IFT80: variants seen among roughly 807,000 people sequenced by gnomAD.
IFT80 encodes the protein intraflagellar transport 80, also known as intraflagellar transport protein 80 homolog.
IFT80 carries 79 observed loss-of-function variants against 107.9 expected under a neutral mutation model. That is an observed-to-expected ratio of 0.73 (90% CI 0.61 to 0.88). The LOEUF (loss-of-function observed/expected upper bound fraction) is 0.88, where lower values mean the gene tolerates loss of function less well. IFT80 is among the 40% of genes least tolerant of loss of function. IFT80 has a pLI of 0.00. For synonymous variants in IFT80, 299 were observed against 300.9 expected (o/e 0.99, Z 0.07); for missense variants, 797 against 914.2 (o/e 0.87, Z 1.65).
intron 3 of IFT80, 129 bp downstream of exon 3, chr3:160,381,374 A>G: frequency 1.3e-6 from 1 of 744,172 alleles, no homozygotes; most frequent in South Asian, 1.6e-5. Flanking sequence ...TTCAGAAAAG[A>G]AATACAATAT....
At chr3:160,281,151 C>T (rs1258444304) in intron 14 of IFT80, among the ~76,000 whole-genome samples, 1 of 152,180 alleles carries the variant, frequency 6.6e-6, no homozygotes, top group Non-Finnish European at 1.5e-5. Context: ...ACCGTCCCCT[C>T]AATATTCAAG....
chr3:160,379,209 T>G (rs964042213), intron 3 of IFT80, among the ~76,000 whole-genome samples: 5 of 152,036 alleles, frequency 3.3e-5, no homozygotes, highest in African/African-American at 1.2e-4. Context: ...CAAAAACAAA[T>G]TGAAGAACTA....
At chr3:160,324,784 A>G (rs968700022) in intron 8 of IFT80, among the ~76,000 whole-genome samples, 1 of 152,300 alleles carries the variant, frequency 6.6e-6, no homozygotes. Context: ...GGTCAGGGCA[A>G]TTAGGCAGGA....
intron 11 of IFT80, among the ~76,000 whole-genome samples, chr3:160,302,285 A>T (rs187522407): frequency 1.6e-4 from 25 of 152,194 alleles, no homozygotes; most frequent in African/African-American, 6.0e-4. Flanking sequence ...AACACCAACC[A>T]CATACACTTC....
chr3:160,307,631 C>T, intron 10 of IFT80, 32 bp downstream of exon 10: 1 of 1,162,640 alleles, frequency 8.6e-7, no homozygotes, highest in South Asian at 1.2e-5. Context: ...ACAGACAAAA[C>T]TCTGAAATTT....
At chr3:160,349,396 C>CCGAGATCGCTCCACTGCACTCCAGG (rs1228708125) in intron 8 of IFT80, among the ~76,000 whole-genome samples, 7 of 151,918 alleles carry the variant, frequency 4.6e-5, no homozygotes, top group Non-Finnish European at 1.5e-5. Context: ...TTGCAGTGAG[C>CCGAGATCGCTCCACTGCACTCCAGG]CGAGATCGCT....
chr3:160,393,305 A>AT (rs2108423197), intron 1 of IFT80, among the ~76,000 whole-genome samples: 1 of 152,358 alleles, frequency 6.6e-6, no homozygotes, highest in African/African-American at 2.4e-5. Flanking sequence ...ATGTTCATAG[A>AT]TTTTACATCC....
chr3:160,364,283 T>C (rs9799314), intron 6 of IFT80, among the ~76,000 whole-genome samples: 79,931 of 152,024 alleles, frequency 0.53, 21,468 homozygotes, highest in African/African-American at 0.56. Context: ...CAGAGAAATG[T>C]AAATCAAAAC....
intron 6 of IFT80, 140 bp from the exon 7 acceptor site, chr3:160,357,718 T>C (rs899943817): frequency 9.8e-6 from 6 of 615,154 alleles, no homozygotes; most frequent in Non-Finnish European, 1.8e-5. Context: ...ATAGCCAATG[T>C]ACAATACCTC....
At chr3:160,349,589 T>C (rs1384475606) in intron 8 of IFT80, among the ~76,000 whole-genome samples, 1 of 152,224 alleles carries the variant, frequency 6.6e-6, no homozygotes, top group Non-Finnish European at 1.5e-5. Flanking sequence ...ATATATCTGA[T>C]ATTGAAATTC....
At chr3:160,334,371 C>T (rs970124419) in intron 8 of IFT80, among the ~76,000 whole-genome samples, 1 of 151,026 alleles carries the variant, frequency 6.6e-6, no homozygotes, top group Non-Finnish European at 1.5e-5. Flanking sequence ...TTTGTTATAC[C>T]AGTTGGTATA....
intron 6 of IFT80, among the ~76,000 whole-genome samples, chr3:160,363,007 G>A (rs1721608600): frequency 6.6e-6 from 1 of 152,190 alleles, no homozygotes; most frequent in African/African-American, 2.4e-5. Flanking sequence ...AGTGTTGGAA[G>A]TTCTGGCCCG....
intron 3 of IFT80, among the ~76,000 whole-genome samples, chr3:160,378,677 T>A (rs1350541884): frequency 6.6e-6 from 1 of 151,456 alleles, no homozygotes; most frequent in Non-Finnish European, 1.5e-5. Flanking sequence ...GCTGGCTTGA[T>A]GGGGCTCCCA....
intron 13 of IFT80, among the ~76,000 whole-genome samples, chr3:160,282,910 T>C (rs1320950240): frequency 6.6e-6 from 1 of 152,182 alleles, no homozygotes; most frequent in East Asian, 1.9e-4. Context: ...GTCCTACCTT[T>C]CGTAGTCAAG....
At position 160,310,835 on chromosome 3, in the gene IFT80, A is replaced by G. The variant is rs189810736; in HGVS notation, c.958-3054T>C. Among the ~76,000 whole-genome samples, 9 of 152,290 alleles carry G rather than the reference A, an allele frequency of 5.9e-5. No individual in the cohort carries two copies. The East Asian group carries it at 1.7e-3, about 29-fold the overall frequency. On this transcript the variant is annotated intron_variant, in intron 9 of 19. Coordinates refer to ENST00000326448, the MANE Select transcript of IFT80 (RefSeq NM_020800.3). ...TCTAGAGGAAACACAGGATAAATGA[A>G]CATATTAATTGTAATCAAGGCTGGG...
chr3:160,280,883 A>T (rs1244062678), intron 14 of IFT80, 69 bp from the exon 15 acceptor site: 9 of 1,365,212 alleles, frequency 6.6e-6, no homozygotes, highest in Non-Finnish European at 7.2e-6. Flanking sequence ...GATCTTTAAA[A>T]TGCCTGACAA....
intron 8 of IFT80, among the ~76,000 whole-genome samples, chr3:160,336,901 A>AT (rs1719520081): frequency 6.6e-6 from 1 of 152,098 alleles, no homozygotes. Flanking sequence ...CATGCCACAC[A>AT]TTTTTTAGGG....
At chr3:160,398,532 T>C (rs368034914) in intron 1 of IFT80, among the ~76,000 whole-genome samples, 3 of 152,190 alleles carry the variant, frequency 2.0e-5, no homozygotes, top group African/African-American at 7.2e-5. Context: ...AGATTCTGAT[T>C]ATAAAGTTGT....
At chr3:160,352,196 A>T (rs1456744250) in intron 8 of IFT80, among the ~76,000 whole-genome samples, 2 of 151,316 alleles carry the variant, frequency 1.3e-5, no homozygotes, top group African/African-American at 4.9e-5. Flanking sequence ...GGGTTTCACC[A>T]TGTTAGCCAG....
Sources: gnomAD v4.1 joint callset for allele counts (sites outside exome capture counted in the v4.1 genomes callset) on GRCh38, gnomAD v4.1.1 for gene constraint, MANE v1.5 for transcripts, NCBI Gene and HGNC (gene_info 2026-07-23, HGNC 2026-07-21) for gene names.